SPATA6L: variants seen among roughly 807,000 people sequenced by gnomAD.
SPATA6L encodes spermatogenesis associated 6-like protein.
SPATA6L carries 68 observed loss-of-function variants against 49.2 expected under a neutral mutation model. The observed-to-expected ratio is 1.38, with a 90% CI of 1.14 to 1.69. The LOEUF (loss-of-function observed/expected upper bound fraction) is 1.69. SPATA6L is among the 40% of genes most tolerant of loss of function. The pLI is 0.00. For synonymous variants in SPATA6L, 198 were observed against 165.7 expected (o/e 1.19, Z -1.50); for missense variants, 668 against 464.3 (o/e 1.44, Z -4.03).
Position 4,639,844 on chromosome 9 carries a change from C to A in SPATA6L, c.227-4445G>T, listed in dbSNP as rs1300870759. On this transcript the variant is annotated intron_variant, in intron 3 of 11. Transcript: ENST00000682582. The stretch of plus-strand genomic sequence containing the variant: ...AGAGCATGTCAGAATTGACAGCGCG[C>A]TTCCAGATGCAGGATCACATTTGAT... Among the ~76,000 whole-genome samples the A allele has an allele frequency of 2.6e-5, 4 of 152,326 alleles. No homozygotes were observed. The East Asian group carries it at 5.8e-4, about 22-fold the overall frequency.
intron 3 of SPATA6L, among the ~76,000 whole-genome samples, chr9:4,648,729 C>A (rs368407706): frequency 4.4e-4 from 33 of 75,064 alleles, no homozygotes; most frequent in Middle Eastern, 6.4e-3. Context: ...TAAATAAATA[C>A]ATAAGTTCTT....
In SPATA6L at chr9:4,600,465, G is replaced by A. The variant is rs932018990; in HGVS notation, c.*346C>T. 8.5e-6 allele frequency: 1 copy of A among 117,278 alleles called. No individual in the cohort carries two copies. The highest frequency in any genetic ancestry group is 2.1e-4 in the East Asian group (1 of 4,870). The allele number at this position is 117,278 out of a possible 1,614,324, so 7.3% of individuals were successfully genotyped here. A position where few individuals can be genotyped will look rare whatever the true frequency, so the allele number is the denominator to read the frequency against. The stretch of plus-strand genomic sequence containing the variant: ...TAGCTCATATATAATTAATTTGAGA[G>A]AGAGAGACAGAGAGAGCCAGAGAGA... On this transcript the variant is annotated 3_prime_UTR_variant, in exon 12 of 12. Transcript: ENST00000682582.
At chr9:4,626,736 A>G (rs749707106) in intron 5 of SPATA6L, 4 of 360,114 alleles carry the variant, frequency 1.1e-5, no homozygotes, top group East Asian at 7.6e-5. Flanking sequence ...AGTGCTCAAC[A>G]AAAGGAAAAT....
intron 5 of SPATA6L, chr9:4,627,820 G>A: frequency 8.5e-6 from 11 of 1,289,062 alleles, no homozygotes; most frequent in Non-Finnish European, 1.0e-5. Context: ...CATGTTTACT[G>A]CAGCACTATT....
chr9:4,641,298 G>A (rs1194047146), intron 3 of SPATA6L, among the ~76,000 whole-genome samples: 1 of 151,986 alleles, frequency 6.6e-6, no homozygotes, highest in Non-Finnish European at 1.5e-5. Context: ...TTGGTTTCAG[G>A]AACCCTTGCA....
chr9:4,662,572 A>C lies in SPATA6L; in HGVS notation c.40-536T>G, dbSNP rs2130806152. On this transcript the variant is annotated intron_variant, in intron 1 of 11. Coordinates refer to ENST00000682582, the MANE Select transcript of SPATA6L (RefSeq NM_001353486.2). This position sits in a 1 kb window ranked among gnomAD's most constrained non-coding sequence, Gnocchi z 4.9. ...CTCCGTGCATCGGAGAGCCCAGTTC[A>C]CCGCCGCGGCTCCTTCCCCCTGGCC... 6.3e-7 allele frequency: 1 copy of C among 1,582,414 alleles called. No homozygotes were observed. The highest frequency in any genetic ancestry group is 8.5e-7 in the Non-Finnish European group (1 of 1,172,946).
chr9:4,627,701 C>G (rs566920735), intron 5 of SPATA6L: 2 of 1,280,824 alleles, frequency 1.6e-6, no homozygotes, highest in Non-Finnish European at 1.0e-6. Flanking sequence ...ACTGAAGAAG[C>G]AAGTAAAATT....
Position 4,666,203 on chromosome 9 carries a change from A to G in SPATA6L, c.39+9T>C, listed in dbSNP as rs1031612936. 6.2e-7 allele frequency: 1 copy of G among 1,614,042 alleles called. No homozygotes were observed. Among genetic ancestry groups the G allele is most frequent in the Non-Finnish European group, 8.5e-7 (1 of 1,179,978 alleles). On this transcript the variant is annotated intron_variant, in intron 1 of 11. Coordinates refer to ENST00000682582, the MANE Select transcript of SPATA6L (RefSeq NM_001353486.2). ...GAGGTTAAGGAGGGGGAGTTCATCG[A>G]TCTCTTACCGCCCGGATCTGCAGCT...
chr9:4,593,180 T>C (rs1439405331), intron 13 of SPATA6L, among the ~76,000 whole-genome samples: 1 of 152,182 alleles, frequency 6.6e-6, no homozygotes, highest in Admixed American at 6.5e-5. Flanking sequence ...TGCTTCAAAA[T>C]GCCTAAAAAG....
chr9:4,615,899 GT>G (rs1827874923), intron 9 of SPATA6L, among the ~76,000 whole-genome samples: 1 of 152,164 alleles, frequency 6.6e-6, no homozygotes, highest in South Asian at 2.1e-4. Flanking sequence ...GTTTTCCCCA[GT>G]TCTGGTGGCT....
rs894778395 is a variant in SPATA6L at position 4,598,554 on chromosome 9, G to A, written c.*2257C>T. ...AAAGGGAAAAAAAGCGTAATTTAGT[G>A]TGAAAACCAAAAATGACTTTAAATA... On this transcript the variant is annotated 3_prime_UTR_variant, in exon 12 of 12. Transcript: ENST00000682582. 6.6e-6 allele frequency among the ~76,000 whole-genome samples: 1 copy of A among 152,182 alleles called. No homozygotes were observed. The highest frequency in any genetic ancestry group is 1.9e-4 in the East Asian group (1 of 5,194).
At chr9:4,650,365 T>C (rs956907917) in intron 3 of SPATA6L, among the ~76,000 whole-genome samples, 5 of 152,070 alleles carry the variant, frequency 3.3e-5, no homozygotes, top group African/African-American at 9.7e-5. Flanking sequence ...AAAATGTAAA[T>C]AAAAGTCATA....
intron 3 of SPATA6L, among the ~76,000 whole-genome samples, chr9:4,638,299 C>A (rs1375737740): frequency 6.6e-6 from 1 of 152,128 alleles, no homozygotes; most frequent in Non-Finnish European, 1.5e-5. Context: ...GCTACCTCTG[C>A]CTCCTGGGTT....
At chr9:4,603,120 C>G (rs915391744) in intron 11 of SPATA6L, among the ~76,000 whole-genome samples, 1 of 152,178 alleles carries the variant, frequency 6.6e-6, no homozygotes, top group African/African-American at 2.4e-5. Context: ...AATGCATATT[C>G]AACATGCATT....
At chr9:4,665,231 C>T (rs1359200847) in intron 1 of SPATA6L, 1 of 166,254 alleles carries the variant, frequency 6.0e-6, no homozygotes, top group African/African-American at 2.4e-5. Context: ...TTTTAAAAAT[C>T]AAAATAAAAT....
chr9:4,662,272 C>A lies in SPATA6L; in HGVS notation c.40-236G>T. 7.0e-7 allele frequency: 1 copy of A among 1,434,554 alleles called. No individual in the cohort carries two copies. Among genetic ancestry groups the A allele is most frequent in the Non-Finnish European group, 9.1e-7 (1 of 1,099,848 alleles). 88.9% of individuals were successfully genotyped at this position (1,434,554 alleles called of 1,614,324 possible). A position where few individuals can be genotyped will look rare whatever the true frequency, so the allele number is the denominator to read the frequency against. ...CACAATCGCGCTCTCGCCGGCTCCT[C>A]TCCCCGCCCCTCCGGGATGGTAGTG... is the stretch of plus-strand genomic sequence containing the variant. On this transcript the variant is annotated intron_variant, in intron 1 of 11. Coordinates refer to ENST00000682582, the MANE Select transcript of SPATA6L (RefSeq NM_001353486.2). The surrounding 1 kb of genome is among the most constrained non-coding windows in gnomAD (Gnocchi z 4.9).
chr9:4,634,817 G>A (rs1191426110), intron 4 of SPATA6L, among the ~76,000 whole-genome samples: 1 of 152,130 alleles, frequency 6.6e-6, no homozygotes, highest in African/African-American at 2.4e-5. Context: ...AGATCCTTCA[G>A]TAATATCAAT....
intron 3 of SPATA6L, among the ~76,000 whole-genome samples, chr9:4,653,623 C>G (rs1231772825): frequency 6.6e-6 from 1 of 152,076 alleles, no homozygotes; most frequent in East Asian, 1.9e-4. Context: ...GGTCTTGTAT[C>G]TAGGATATAT....
intron 11 of SPATA6L, among the ~76,000 whole-genome samples, chr9:4,602,702 C>A (rs1184994387): frequency 6.6e-6 from 1 of 152,168 alleles, no homozygotes; most frequent in Non-Finnish European, 1.5e-5. Context: ...AAAGGGCCCT[C>A]CTTCACACAT....
Sources: allele counts gnomAD v4.1 joint callset (sites outside exome capture counted in the v4.1 genomes callset), GRCh38; gene constraint gnomAD v4.1.1; non-coding constraint Gnocchi (gnomAD v3.1); transcripts MANE v1.5; gene names NCBI Gene and HGNC (gene_info 2026-07-23, HGNC 2026-07-21).